The following OTOGL variants were observed in gnomAD, a reference collection of about 807,000 sequenced individuals.
OTOGL encodes the protein otogelin-like protein.
In OTOGL, 285 loss-of-function variants were observed where a neutral mutation model predicts 318.5. That is an observed-to-expected ratio of 0.89 (90% CI 0.81 to 0.99). The LOEUF (loss-of-function observed/expected upper bound fraction) is 0.99. OTOGL is among the 50% of genes least tolerant of loss of function. The pLI, the probability that OTOGL is intolerant of heterozygous loss-of-function variation, is 0.00. For missense variants in OTOGL, 2,899 were observed against 2,845.6 expected (o/e 1.02, Z -0.43); for synonymous variants, 987 against 936.5 (o/e 1.05, Z -0.99).
intron 1 of OTOGL, among the ~76,000 whole-genome samples, chr12:80,159,274 G>T (rs1003672759): frequency 6.6e-6 from 1 of 151,976 alleles, no homozygotes; most frequent in Non-Finnish European, 1.5e-5. Context: ...TGTTCATCAG[G>T]GATACTGGTC....
chr12:80,353,528 A>G lies in OTOGL; in HGVS notation c.5593+18A>G. The stretch of plus-strand genomic sequence containing the variant: ...AGAGTGTGGTAAGACACAAAGTACA[A>G]AATGACTTCTCAGGAATCCGGCAAA... On this transcript the variant is annotated intron_variant, in intron 46 of 58. Transcript: ENST00000547103. The G allele has an allele frequency of 6.8e-7, 1 of 1,464,446 alleles. No homozygotes were observed. Among genetic ancestry groups the G allele is most frequent in the South Asian group, 1.5e-5 (1 of 65,418 alleles). 90.7% of individuals were successfully genotyped at this position (1,464,446 alleles called of 1,614,324 possible).
chr12:80,317,734 T>C (rs1887062352), intron 32 of OTOGL, among the ~76,000 whole-genome samples: 1 of 152,178 alleles, frequency 6.6e-6, no homozygotes, highest in African/African-American at 2.4e-5. Flanking sequence ...AGACTATTGC[T>C]ATAATTTTCT....
intron 11 of OTOGL, among the ~76,000 whole-genome samples, chr12:80,244,529 C>T (rs897075848): frequency 6.7e-6 from 1 of 149,182 alleles, no homozygotes; most frequent in Non-Finnish European, 1.5e-5. Context: ...CATAGTATTC[C>T]ATGGTGTATA....
At chr12:80,110,067 C>CTTTTTTTTTT (rs35589524) in intron 1 of OTOGL, among the ~76,000 whole-genome samples, 1 of 103,762 alleles carries the variant, frequency 9.6e-6, no homozygotes. Flanking sequence ...TTCTTTCTTT[C>CTTTTTTTTTT]TTTTTTTTTT....
At chr12:80,182,010 A>G (rs1874957934) in intron 1 of OTOGL, among the ~76,000 whole-genome samples, 1 of 152,042 alleles carries the variant, frequency 6.6e-6, no homozygotes, top group Admixed American at 6.6e-5. Flanking sequence ...CAAAAAGATA[A>G]AAAACAAGTA....
At position 80,258,039 on chromosome 12, in the gene OTOGL, A is replaced by G. The variant is rs923692243; in HGVS notation, c.1889+37A>G. On this transcript the variant is annotated intron_variant, in intron 18 of 58. Coordinates refer to ENST00000547103, the MANE Select transcript of OTOGL (RefSeq NM_001378609.3). ...TTCTGCATAGTTAACATACTTAATGACTGGTCATTTAAAGGATATAAATTC... is the reference window on the plus strand; with the variant it reads ...TTCTGCATAGTTAACATACTTAATGGCTGGTCATTTAAAGGATATAAATTC... 6 of 1,489,646 alleles carry G rather than the reference A, an allele frequency of 4.0e-6. No individual in the cohort carries two copies. In the East Asian group the frequency reaches 1.2e-4, roughly 29 times the overall value. 92.3% of individuals were successfully genotyped at this position (1,489,646 alleles called of 1,614,324 possible).
chr12:80,366,629 ATC>A lies in OTOGL; in HGVS notation c.6327_6328del (p.Cys2110Ter), dbSNP rs1226383968. 7.2e-7 allele frequency: 1 copy of A among 1,394,810 alleles called. No individual in the cohort carries two copies. Among genetic ancestry groups the A allele is most frequent in the Non-Finnish European group, 9.4e-7 (1 of 1,063,670 alleles). The allele number at this position is 1,394,810 out of a possible 1,614,324, so 86.4% of individuals were successfully genotyped here. Reference sequence around the variant, plus strand: ...CAGAGTGATTGTGGATGCATACAGTATCTCTGTGGTAACTATGTCTTTTGTAA... The same window carrying A: ...CAGAGTGATTGTGGATGCATACAGTATCTGTGGTAACTATGTCTTTTGTAA... On this transcript the variant is annotated frameshift_variant, in exon 53 of 59. Coordinates refer to ENST00000547103, the MANE Select transcript of OTOGL (RefSeq NM_001378609.3). LOFTEE classifies it high-confidence loss of function.
rs1888420459 is a variant in OTOGL, at chr12:80,336,552, T to A, written c.4740T>A (p.Asn1580Lys). The change falls in exon 40 of 59, where the codon AAT becomes AAA. Residue 1580 changes from asparagine (N) to lysine (K), a missense_variant. This residue lies in a region of OTOGL where 2,607 missense variants were observed against 2,524.9 expected (regional missense o/e 1.03). Coordinates refer to ENST00000547103, the MANE Select transcript of OTOGL (RefSeq NM_001378609.3). ...IVAHIEKCSM[N>K]QNGNSLKKLA... is the part of the protein sequence containing the mutation. ...CTCATATCGAAAAATGTTCCATGAA[T>A]CAGGTGGGTCATAATTTATTTTTGC... is the stretch of plus-strand genomic sequence containing the variant. 6.2e-7 allele frequency: 1 copy of A among 1,605,336 alleles called. No individual in the cohort carries two copies. Among genetic ancestry groups the A allele is most frequent in the African/African-American group, 1.3e-5 (1 of 74,584 alleles).
chr12:80,295,324 G>GT (rs1885317822), intron 26 of OTOGL, among the ~76,000 whole-genome samples: 1 of 151,844 alleles, frequency 6.6e-6, no homozygotes, highest in Non-Finnish European at 1.5e-5. Flanking sequence ...CTACAGGTGC[G>GT]TGCCACCATG....
At chr12:80,338,439 C>A (rs2137923711) in intron 42 of OTOGL, among the ~76,000 whole-genome samples, 1 of 152,156 alleles carries the variant, frequency 6.6e-6, no homozygotes, top group African/African-American at 2.4e-5. Context: ...AAATTTGCTG[C>A]TAGTTACAGC....
intron 1 of OTOGL, among the ~76,000 whole-genome samples, chr12:80,109,463 T>C (rs1445072824): frequency 6.6e-6 from 1 of 152,178 alleles, no homozygotes; most frequent in South Asian, 2.1e-4. Context: ...TGTCTCTGAG[T>C]TATGTTGTAT....
intron 26 of OTOGL, among the ~76,000 whole-genome samples, chr12:80,289,359 A>G (rs1222126749): frequency 1.3e-5 from 2 of 152,168 alleles, no homozygotes; most frequent in African/African-American, 4.8e-5. Flanking sequence ...TCTCCCAGTC[A>G]GGAGGCACAG....
rs527534258 is a variant in OTOGL at position 80,329,207 on chromosome 12, C to T, written c.4348+88C>T. The T allele has an allele frequency of 5.8e-6, 6 of 1,032,912 alleles. No homozygotes were observed. In the Admixed American group the frequency reaches 1.5e-4, roughly 25 times the overall value. 64.0% of individuals were successfully genotyped at this position (1,032,912 alleles called of 1,614,324 possible). On this transcript the variant is annotated intron_variant, in intron 37 of 58. Coordinates refer to ENST00000547103, the MANE Select transcript of OTOGL (RefSeq NM_001378609.3). ...TGTAATTTAGGTGTTACTATAGCTG[C>T]TATCATTAATACTACCTATGGGCTA...
intron 3 of OTOGL, 67 bp downstream of exon 3, chr12:80,210,953 G>A: frequency 1.8e-6 from 2 of 1,096,776 alleles, no homozygotes; most frequent in Non-Finnish European, 1.2e-6. Context: ...AACCTCAGCA[G>A]GCAACTATAT....
rs369700813 is a variant in OTOGL at position 80,296,961 on chromosome 12, G to A, written c.3063G>A (p.Gln1021=). ...ACCTGAATGATACTCCTTACAAACA[G>A]GTTAGTGAATTATTTCTTTCAGGAT... ...EIYLNDTPYK[Q]KQSGFFLENK... Residue 1021 remains glutamine (Q), a splice_region_variant and synonymous_variant, in exon 27 of 59, where the codon CAG becomes CAA. Coordinates refer to ENST00000547103, the MANE Select transcript of OTOGL (RefSeq NM_001378609.3). The A allele has an allele frequency of 6.5e-7, 1 of 1,538,814 alleles. No individual in the cohort carries two copies. Among genetic ancestry groups the A allele is most frequent in the African/African-American group, 1.4e-5 (1 of 74,026 alleles).
chr12:80,106,698 C>T (rs1457024285), intron 1 of OTOGL, among the ~76,000 whole-genome samples: 2 of 152,100 alleles, frequency 1.3e-5, no homozygotes, highest in Non-Finnish European at 2.9e-5. Context: ...CTCTGGATTG[C>T]ATTCTTCCAT....
intron 1 of OTOGL, among the ~76,000 whole-genome samples, chr12:80,198,584 A>AAATAATAAT (rs201298326): frequency 1.1e-4 from 17 of 151,496 alleles, no homozygotes; most frequent in East Asian, 9.8e-4. Context: ...CTCCATCTCC[A>AAATAATAAT]AATAATAATA....
chr12:80,358,989 A>G (rs1006373457), intron 52 of OTOGL, 89 bp downstream of exon 52: 5 of 1,121,372 alleles, frequency 4.5e-6, no homozygotes, highest in African/African-American at 1.6e-5. Flanking sequence ...TTCTTCTTAG[A>G]GTTAATAAAA....
rs1408754936 is a variant in OTOGL, at chr12:80,378,285, G to A, written c.*237G>A. The A allele has an allele frequency of 7.5e-6, 3 of 398,812 alleles. No individual in the cohort carries two copies. Among genetic ancestry groups the A allele is most frequent in the Non-Finnish European group, 1.3e-5 (3 of 222,530 alleles). 24.7% of individuals were successfully genotyped at this position (398,812 alleles called of 1,614,324 possible). ...TGACTGTAAGTTGTTCAGCTGAAAT[G>A]CTGTTATGTATTTAATTACAACTTG... On this transcript the variant is annotated 3_prime_UTR_variant, in exon 59 of 59. Coordinates refer to ENST00000547103, the MANE Select transcript of OTOGL (RefSeq NM_001378609.3).
Sources: allele counts gnomAD v4.1 joint callset (sites outside exome capture counted in the v4.1 genomes callset), GRCh38; gene constraint gnomAD v4.1.1; regional missense constraint gnomAD v4.1.1; transcripts MANE v1.5; gene names NCBI Gene and HGNC (gene_info 2026-07-23, HGNC 2026-07-21).